AK6: variants seen among roughly 807,000 people sequenced by gnomAD.
AK6 encodes adenylate kinase 6, also known as adenylate kinase isoenzyme 6.
Under a neutral mutation model 23.7 loss-of-function variants are expected in AK6, and 24 were observed. The ratio of observed to expected loss-of-function variants is 1.01; its 90% confidence interval spans 0.73 to 1.43. The LOEUF is 1.43. Ranked by LOEUF, AK6 falls within the 40% of genes most tolerant of loss-of-function variation. AK6 has a pLI of 0.00. For missense variants in AK6, 191 were observed against 199.1 expected (o/e 0.96, Z 0.24); for synonymous variants, 73 against 69.8 (o/e 1.05, Z -0.23).
At position 69,351,200 on chromosome 5, in the gene AK6, T is replaced by C. The variant is rs1761943349; in HGVS notation, c.*861A>G. ...ACCAACGGATTATAAATTTTATTTA[T>C]GTTTATTTTTAGAGTCTAAGGTCTC... is the stretch of plus-strand genomic sequence containing the variant. On this transcript the variant is annotated 3_prime_UTR_variant, in exon 5 of 5. Coordinates refer to ENST00000380822, the MANE Select transcript of AK6 (RefSeq NM_016283.5). 6.6e-6 allele frequency: 1 copy of C among 152,176 alleles called. No individual in the cohort carries two copies. Among genetic ancestry groups the C allele is most frequent in the Non-Finnish European group, 1.5e-5 (1 of 68,034 alleles). 9.4% of individuals were successfully genotyped at this position (152,176 alleles called of 1,614,324 possible).
intron 2 of AK6, among the ~76,000 whole-genome samples, chr5:69,363,906 G>T (rs998627277): frequency 3.3e-5 from 5 of 152,028 alleles, no homozygotes; most frequent in Non-Finnish European, 7.4e-5. Context: ...TGGACAACAT[G>T]GCAAAAGCCC....
chr5:69,366,458 C>A, intron 2 of AK6, 45 bp downstream of exon 2: 2 of 1,506,094 alleles, frequency 1.3e-6, no homozygotes, highest in Non-Finnish European at 1.8e-6. Context: ...CTTACCAGAC[C>A]TTAAAAAAAA....
At chr5:69,354,471 C>T (rs1472557849) in intron 4 of AK6, among the ~76,000 whole-genome samples, 3 of 152,172 alleles carry the variant, frequency 2.0e-5, no homozygotes, top group East Asian at 1.9e-4. Context: ...ATTCTGACCC[C>T]GACCTTAAGC....
chr5:69,354,930 G>A (rs1200339946), intron 4 of AK6, among the ~76,000 whole-genome samples: 4 of 152,026 alleles, frequency 2.6e-5, no homozygotes, highest in Admixed American at 6.6e-5. Flanking sequence ...GGTTCACGTC[G>A]TTCTCCTGCC....
intron 2 of AK6, chr5:69,365,263 T>C: frequency 6.2e-7 from 1 of 1,614,114 alleles, no homozygotes; most frequent in Non-Finnish European, 8.5e-7. Flanking sequence ...AGTGTGGGAG[T>C]ACTTGGTCTG....
Position 69,366,568 on chromosome 5 carries a change from A to T in AK6, c.56T>A (p.Leu19Gln). Residue 19 changes from leucine to glutamine, a missense_variant, in exon 2 of 5, where the codon CTA (leucine) becomes CAA (glutamine). Physicochemically the swap from Leu to Gln is moderately radical, Grantham distance 113. Transcript: ENST00000380822. ...TGATTTTGACGCAAGTTCTTTGCCT[A>T]GTGTGGTTTTTCCAACCCCTGGTGT... ...TGTPGVGKTT[L>Q]GKELASKSGL... The T allele has an allele frequency of 6.2e-7, 1 of 1,614,074 alleles. No homozygotes were observed. The highest frequency in any genetic ancestry group is 1.7e-5 in the Admixed American group (1 of 60,024).
intron 2 of AK6, among the ~76,000 whole-genome samples, chr5:69,366,040 G>C (rs1380157294): frequency 1.3e-5 from 2 of 152,110 alleles, no homozygotes; most frequent in East Asian, 3.9e-4. Flanking sequence ...TAAAAACAAT[G>C]ATCATCTTAG....
intron 2 of AK6, chr5:69,364,869 A>G: frequency 7.4e-7 from 1 of 1,347,298 alleles, no homozygotes. Context: ...ACTTGAAAAC[A>G]TCCAGCATGC....
upstream of AK6, chr5:69,369,621 C>G (rs771075533): frequency 1.3e-6 from 2 of 1,572,632 alleles, no homozygotes; most frequent in Non-Finnish European, 1.7e-6. Flanking sequence ...GCGCCCCTAG[C>G]CTGCCCCGGC....
At chr5:69,358,289 G>A (rs749072921) in intron 2 of AK6, among the ~76,000 whole-genome samples, 3 of 152,028 alleles carry the variant, frequency 2.0e-5, no homozygotes, top group Non-Finnish European at 2.9e-5. Context: ...CTGGAAGGCC[G>A]AGGTGGTTGA....
In AK6 at chr5:69,366,418, C is replaced by T. The variant is rs193128360; in HGVS notation, c.121+85G>A. 176 of 1,028,230 alleles carry T rather than the reference C, an allele frequency of 1.7e-4. No individual in the cohort carries two copies. In the African/African-American group the frequency reaches 2.3e-3, roughly 13 times the overall value. 63.7% of individuals were successfully genotyped at this position (1,028,230 alleles called of 1,614,324 possible). A position where few individuals can be genotyped will look rare whatever the true frequency, so the allele number is the denominator to read the frequency against. Reference sequence around the variant, plus strand: ...TAATGGCAATCTCTGTTTTTTGTACCCTATGACAATACCCAGCACTAACAC... The same window carrying T: ...TAATGGCAATCTCTGTTTTTTGTACTCTATGACAATACCCAGCACTAACAC... On this transcript the variant is annotated intron_variant, in intron 2 of 4. Coordinates refer to ENST00000380822, the MANE Select transcript of AK6 (RefSeq NM_016283.5).
chr5:69,360,357 T>G (rs954863793), intron 2 of AK6, among the ~76,000 whole-genome samples: 1 of 151,624 alleles, frequency 6.6e-6, no homozygotes, highest in African/African-American at 2.4e-5. Flanking sequence ...GTGGAGAGAG[T>G]GAATGTGTAT....
At chr5:69,365,382 C>T in intron 2 of AK6, 1 of 1,614,196 alleles carries the variant, frequency 6.2e-7, no homozygotes, top group Non-Finnish European at 8.5e-7. Context: ...TAAGCAGTAT[C>T]TATCAGGTGG....
At chr5:69,363,781 C>T (rs1185310352) in intron 2 of AK6, among the ~76,000 whole-genome samples, 4 of 147,966 alleles carry the variant, frequency 2.7e-5, no homozygotes, top group Non-Finnish European at 4.5e-5. Flanking sequence ...GAGACTCCGT[C>T]TCAAAAGAAA....
chr5:69,363,671 C>A (rs1391504706), intron 2 of AK6, among the ~76,000 whole-genome samples: 4 of 152,062 alleles, frequency 2.6e-5, no homozygotes, highest in Admixed American at 2.6e-4. Context: ...GTAGTCCCAG[C>A]TACTTGGGAG....
At chr5:69,363,311 C>A (rs1226316761) in intron 2 of AK6, among the ~76,000 whole-genome samples, 3 of 152,208 alleles carry the variant, frequency 2.0e-5, no homozygotes, top group African/African-American at 7.2e-5. Flanking sequence ...TGTCCTTGGT[C>A]TGGTGTCACC....
At chr5:69,365,410 A>G in intron 2 of AK6, 1 of 1,614,226 alleles carries the variant, frequency 6.2e-7, no homozygotes, top group Non-Finnish European at 8.5e-7. Context: ...GGACCTGAAT[A>G]TGGCTTGATC....
intron 2 of AK6, chr5:69,365,070 T>G (rs749826869): frequency 6.2e-7 from 1 of 1,614,156 alleles, no homozygotes; most frequent in Non-Finnish European, 8.5e-7. Flanking sequence ...AATAAGAATG[T>G]TTTTGGACCC....
intron 2 of AK6, among the ~76,000 whole-genome samples, chr5:69,358,517 C>CAAAAA (rs5868577): frequency 1.9e-3 from 102 of 54,024 alleles, no homozygotes; most frequent in African/African-American, 2.4e-3. Context: ...GACTCTGTCT[C>CAAAAA]AAAAAAAAAA....
Sources: gnomAD v4.1 joint callset for allele counts (sites outside exome capture counted in the v4.1 genomes callset) on GRCh38, gnomAD v4.1.1 for gene constraint, MANE v1.5 for transcripts, NCBI Gene and HGNC (gene_info 2026-07-23, HGNC 2026-07-21) for gene names.